CFHR5: variants seen among roughly 807,000 people sequenced by gnomAD.
The protein encoded by CFHR5 is complement factor H related 5.
A neutral mutation model predicts 62.9 loss-of-function variants in CFHR5; 73 were observed. The ratio of observed to expected loss-of-function variants is 1.16; its 90% CI spans 0.96 to 1.41. The LOEUF (loss-of-function observed/expected upper bound fraction) is 1.41, where lower values mean the gene tolerates loss of function less well. Ranked by LOEUF, CFHR5 falls within the 40% of genes most tolerant of loss-of-function variation. The pLI is 0.00. For missense variants in CFHR5, 779 were observed against 679.9 expected, an observed-to-expected ratio of 1.15 and a Z score of -1.62; for synonymous variants, 249 against 227.2, an observed-to-expected ratio of 1.10 and a Z score of -0.86.
intron 1 of CFHR5, among the ~76,000 whole-genome samples, chr1:196,980,597 TG>T (rs1653516199): frequency 8.4e-6 from 1 of 118,688 alleles, no homozygotes; most frequent in African/African-American, 3.6e-5. Flanking sequence ...TATACGTGTG[TG>T]TGTGTGTGTG....
rs77344042 is a variant in CFHR5 at position 196,994,135 on chromosome 1, A to G, written c.486A>G (p.Lys162=). Residue 162 remains lysine (K), a synonymous_variant, in exon 4 of 10, where the codon AAA becomes AAG. Transcript: ENST00000256785. ...LEANVDAQPK[K]ESYKVGDVLK... ...CCAATGTAGATGCTCAGCCAAAAAA[A>G]GAAAGCTACAAAGTTGGAGACGTGT... 623 of 1,613,690 alleles carry G rather than the reference A, an allele frequency of 3.9e-4. 6 individuals are homozygous for G. The African/African-American group carries it at 7.1e-3, about 18-fold the overall frequency.
rs1653587386 is a variant in CFHR5 at position 196,983,176 on chromosome 1, T to C, written c.253+97T>C. The C allele has an allele frequency of 5.2e-6, 8 of 1,532,884 alleles. No homozygotes were observed. The Admixed American group carries it at 8.6e-5, about 16-fold the overall frequency. 95.0% of individuals were successfully genotyped at this position (1,532,884 alleles called of 1,614,324 possible). A position where few individuals can be genotyped will look rare whatever the true frequency, so the allele number is the denominator to read the frequency against. On this transcript the variant is annotated intron_variant, in intron 2 of 9. Transcript: ENST00000256785. ...AAGGTCTTGATAATCACAAGGGCAA[T>C]GACCAGAGGAGCTGGAAAAATGGGA...
chr1:196,990,979 A>T (rs555627389), intron 3 of CFHR5, among the ~76,000 whole-genome samples: 1 of 151,972 alleles, frequency 6.6e-6, no homozygotes, highest in South Asian at 2.1e-4. Context: ...TGATTCCATT[A>T]TCGCCCTCAC....
intron 7 of CFHR5, among the ~76,000 whole-genome samples, chr1:196,999,722 T>TATATATATATATACAC (rs1164729053): frequency 6.9e-5 from 8 of 116,158 alleles, no homozygotes; most frequent in African/African-American, 2.4e-4. Flanking sequence ...TATATATATA[T>TATATATATATATACAC]ACACACACAC....
At chr1:196,983,125 G>C (rs1558282335) in intron 2 of CFHR5, 46 bp downstream of exon 2, 3 of 1,610,750 alleles carry the variant, frequency 1.9e-6, no homozygotes, top group Non-Finnish European at 1.7e-6. Context: ...TCAGTGAATA[G>C]AGAAGGATGT....
chr1:196,996,110 C>A lies in CFHR5; in HGVS notation c.879C>A (p.Val293=). 1 of 1,613,042 alleles carries A rather than the reference C, an allele frequency of 6.2e-7. No individual in the cohort carries two copies. The highest frequency in any genetic ancestry group is 1.1e-5 in the South Asian group (1 of 91,042). ...SVPPYQHGVS[V]EVNCRNEYAM... ...CTCCCTATCAACATGGAGTTTCAGT[C>A]GAGGTGAATTGCAGAAATGAATATG... is the stretch of plus-strand genomic sequence containing the variant. Residue 293 remains valine (V), a synonymous_variant, in exon 6 of 10, where the codon GTC becomes GTA. Transcript: ENST00000256785.
Position 196,998,308 on chromosome 1 carries a change from A to C in CFHR5, c.1147+4A>C. 6.2e-7 allele frequency: 1 copy of C among 1,608,108 alleles called. No individual in the cohort carries two copies. The highest frequency in any genetic ancestry group is 8.5e-7 in the Non-Finnish European group (1 of 1,176,010). ...AATCCTGAAGTAGACTGCACAGGTA[A>C]GATTTGTTTAAAACATTTTGTTGAT... is the stretch of plus-strand genomic sequence containing the variant. On this transcript the variant is annotated splice_donor_region_variant and intron_variant, in intron 7 of 9. Transcript: ENST00000256785.
At chr1:196,996,493 G>T (rs1653992968) in intron 6 of CFHR5, among the ~76,000 whole-genome samples, 2 of 152,098 alleles carry the variant, frequency 1.3e-5, no homozygotes, top group Admixed American at 1.3e-4. Context: ...CTTTCTATAT[G>T]CAAGAATGTG....
chr1:196,981,529 AAT>A (rs150351536), intron 1 of CFHR5, among the ~76,000 whole-genome samples: 3,052 of 152,058 alleles, frequency 0.02, 116 homozygotes, highest in African/African-American at 0.07. Flanking sequence ...CACAAGAAAA[AAT>A]AGAGTCAAAA....
chr1:196,977,583 G>A lies in CFHR5; in HGVS notation c.-82G>A. The A allele has an allele frequency of 9.0e-7, 1 of 1,105,892 alleles. No homozygotes were observed. The highest frequency in any genetic ancestry group is 1.5e-5 in the African/African-American group (1 of 64,742). The allele number at this position is 1,105,892 out of a possible 1,614,324, so 68.5% of individuals were successfully genotyped here. ...TACATTGAAATTCAAAGTCATGCTTGTAACTGTTAATGAAAGCAGATTTAA... is the reference window on the plus strand; with the variant it reads ...TACATTGAAATTCAAAGTCATGCTTATAACTGTTAATGAAAGCAGATTTAA... On this transcript the variant is annotated 5_prime_UTR_variant, in exon 1 of 10. Coordinates refer to ENST00000256785, the MANE Select transcript of CFHR5 (RefSeq NM_030787.4).
chr1:196,990,509 C>T (rs953154153), intron 3 of CFHR5, among the ~76,000 whole-genome samples: 21 of 152,024 alleles, frequency 1.4e-4, no homozygotes, highest in Admixed American at 3.9e-4. Context: ...GGGCTGGTAC[C>T]GGTTGTTCTT....
chr1:196,976,838 T>C (rs1156716410), upstream of CFHR5, among the ~76,000 whole-genome samples: 1 of 136,964 alleles, frequency 7.3e-6, no homozygotes, highest in Admixed American at 7.8e-5. Context: ...AGAGTCTCGC[T>C]CTGTCGCCCA....
At chr1:196,996,581 T>C (rs924772553) in intron 6 of CFHR5, among the ~76,000 whole-genome samples, 7 of 152,218 alleles carry the variant, frequency 4.6e-5, no homozygotes, top group African/African-American at 1.4e-4. Flanking sequence ...AATTGGGATA[T>C]TGTATTTCTA....
intron 6 of CFHR5, among the ~76,000 whole-genome samples, chr1:196,996,789 C>G (rs916598485): frequency 1.3e-5 from 2 of 151,954 alleles, no homozygotes; most frequent in Non-Finnish European, 2.9e-5. Context: ...TCTTTCTGGT[C>G]CCATAATTCT....
intron 3 of CFHR5, among the ~76,000 whole-genome samples, chr1:196,993,372 G>T (rs7547265): frequency 0.38 from 58,207 of 151,896 alleles, 12,801 homozygotes; most frequent in Non-Finnish European, 0.51. Flanking sequence ...TCGGCTCACT[G>T]CAACCTCCGC....
At chr1:196,999,734 CATATATATACACACACAT>C (rs1558289053) in intron 7 of CFHR5, among the ~76,000 whole-genome samples, 1 of 41,182 alleles carries the variant, frequency 2.4e-5, no homozygotes, top group East Asian at 6.2e-4. Context: ...CACACACACA[CATATATATACACACACAT>C]ATGTATATAC....
At chr1:196,986,034 A>G (rs953216809) in intron 3 of CFHR5, among the ~76,000 whole-genome samples, 2 of 152,204 alleles carry the variant, frequency 1.3e-5, no homozygotes, top group Non-Finnish European at 2.9e-5. Context: ...GCACAAGACA[A>G]CATATTGAGG....
At position 196,982,838 on chromosome 1, in the gene CFHR5, G is replaced by A. The variant is rs200939665; in HGVS notation, c.59-47G>A. 153 of 1,518,924 alleles carry A rather than the reference G, an allele frequency of 1.0e-4. 2 individuals carry two copies. In the African/African-American group the frequency reaches 1.3e-3, roughly 13 times the overall value. The allele number at this position is 1,518,924 out of a possible 1,614,324, so 94.1% of individuals were successfully genotyped here. On this transcript the variant is annotated intron_variant, in intron 1 of 9. Coordinates refer to ENST00000256785, the MANE Select transcript of CFHR5 (RefSeq NM_030787.4). The stretch of plus-strand genomic sequence containing the variant: ...CTAAAATATAATCTAGTGATTCATC[G>A]ATGTAGCTCTTTATTTAATTCTTCA...
chr1:197,004,810 A>T lies in CFHR5; in HGVS notation c.1480A>T (p.Asn494Tyr), dbSNP rs1445456972. Reference sequence around the variant, plus strand: ...GGGCTCTGTAACTGTAACATGCAGAAATAAACAGTGGTCAGAACCACCAAG... The same window carrying T: ...GGGCTCTGTAACTGTAACATGCAGATATAAACAGTGGTCAGAACCACCAAG... ...LQGSVTVTCR[N>Y]KQWSEPPRCL... The change falls in exon 9 of 10, where the codon AAT (asparagine) becomes TAT (tyrosine). Residue 494 changes from asparagine (N) to tyrosine (Y), a missense_variant. Asn to Tyr is a moderately radical substitution (Grantham distance 143, BLOSUM62 -2). Coordinates refer to ENST00000256785, the MANE Select transcript of CFHR5 (RefSeq NM_030787.4). 1 of 1,613,832 alleles carries T rather than the reference A, an allele frequency of 6.2e-7. No individual in the cohort carries two copies. The highest frequency in any genetic ancestry group is 2.2e-5 in the East Asian group (1 of 44,864).
Sources: allele counts gnomAD v4.1 joint callset (sites outside exome capture counted in the v4.1 genomes callset), GRCh38; gene constraint gnomAD v4.1.1; transcripts MANE v1.5; gene names NCBI Gene and HGNC (gene_info 2026-07-23, HGNC 2026-07-21).